DOK6: variants seen among roughly 807,000 people sequenced by gnomAD.
DOK6 encodes downstream of tyrosine kinase 6.
Under a neutral mutation model 44.0 loss-of-function variants are expected in DOK6, and 22 were observed. The observed-to-expected ratio is 0.50, with a 90% CI of 0.36 to 0.71. DOK6 has a LOEUF of 0.71. Among genes scored for constraint, DOK6 ranks in the 30% least tolerant of loss-of-function variants. The pLI, the probability that DOK6 is intolerant of heterozygous loss-of-function variation, is 0.00. For synonymous variants in DOK6, 166 were observed against 145.5 expected, an observed-to-expected ratio of 1.14 and a Z score of -1.01; for missense variants, 340 against 416.4, an observed-to-expected ratio of 0.82 and a Z score of 1.60.
chr18:69,719,213 G>A (rs1986951086), intron 5 of DOK6, among the ~76,000 whole-genome samples: 1 of 152,132 alleles, frequency 6.6e-6, no homozygotes, highest in Admixed American at 6.5e-5. Flanking sequence ...AAGAAAATTT[G>A]GAGGGCAGGG....
At chr18:69,705,919 A>T (rs202086219) in intron 5 of DOK6, among the ~76,000 whole-genome samples, 5 of 15,956 alleles carry the variant, frequency 3.1e-4, no homozygotes, top group South Asian at 4.7e-3. Context: ...AAATGTGATT[A>T]AAAAAAAAAA....
chr18:69,474,254 C>T (rs990652494), intron 1 of DOK6, among the ~76,000 whole-genome samples: 2 of 152,076 alleles, frequency 1.3e-5, no homozygotes, highest in Non-Finnish European at 2.9e-5. Context: ...CTCCCTTCTT[C>T]TCCATCCCCC....
chr18:69,401,277 G>C lies in DOK6; in HGVS notation c.33G>C (p.Gln11His). Residue 11 changes from glutamine (Q) to histidine (H), a missense_variant, in exon 1 of 8, where the codon CAG becomes CAC. Gln to His is a conservative substitution (Grantham distance 24, BLOSUM62 0). This residue lies in a region of DOK6 where 206 missense variants were observed against 258.6 expected (regional missense o/e 0.80). Transcript: ENST00000382713. MASNFNDIVK[Q>H]GYVKIRSRKL... Reference sequence around the variant, plus strand: ...CCAACTTTAACGACATAGTCAAGCAGGGCTACGTGAAAATCCGCAGCAGGA... The same window carrying C: ...CCAACTTTAACGACATAGTCAAGCACGGCTACGTGAAAATCCGCAGCAGGA... The C allele has an allele frequency of 6.3e-7, 1 of 1,585,770 alleles. No homozygotes were observed. The highest frequency in any genetic ancestry group is 2.4e-5 in the East Asian group (1 of 41,514).
chr18:69,698,820 T>C (rs924303432), intron 5 of DOK6, among the ~76,000 whole-genome samples: 3 of 152,194 alleles, frequency 2.0e-5, no homozygotes, highest in Non-Finnish European at 4.4e-5. Flanking sequence ...TTCAGTTTCT[T>C]ACACTACCAT....
chr18:69,799,584 C>T (rs1306362716), intron 7 of DOK6, among the ~76,000 whole-genome samples: 2 of 152,034 alleles, frequency 1.3e-5, no homozygotes, highest in African/African-American at 4.8e-5. Flanking sequence ...CATTCAAGAT[C>T]ACAAAATGCC....
At chr18:69,631,778 A>T (rs1167346128) in intron 3 of DOK6, among the ~76,000 whole-genome samples, 1 of 152,240 alleles carries the variant, frequency 6.6e-6, no homozygotes, top group Non-Finnish European at 1.5e-5. Flanking sequence ...ACAAATGGAC[A>T]TGTGTACATC....
chr18:69,801,128 T>C (rs1259147424), intron 7 of DOK6, among the ~76,000 whole-genome samples: 3 of 106,136 alleles, frequency 2.8e-5, no homozygotes, highest in Non-Finnish European at 6.6e-5. Flanking sequence ...TGTTTTGTTT[T>C]GTTTTGTTTT....
At chr18:69,417,544 T>C (rs1448906528) in intron 1 of DOK6, among the ~76,000 whole-genome samples, 5 of 152,160 alleles carry the variant, frequency 3.3e-5, no homozygotes, top group Non-Finnish European at 4.4e-5. Context: ...TGTATCTTTT[T>C]GATATACTGA....
intron 3 of DOK6, among the ~76,000 whole-genome samples, chr18:69,608,563 T>G (rs900344640): frequency 1.4e-4 from 22 of 152,302 alleles, no homozygotes; most frequent in African/African-American, 5.3e-4. Flanking sequence ...TTGAGAGGGA[T>G]TGCACTGAAT....
intron 4 of DOK6, among the ~76,000 whole-genome samples, chr18:69,678,084 A>G (rs1408164554): frequency 6.6e-6 from 1 of 152,082 alleles, no homozygotes; most frequent in African/African-American, 2.4e-5. Context: ...CCTCATCTCT[A>G]CTAAAAATAC....
At chr18:69,630,144 A>G (rs1269933888) in intron 3 of DOK6, among the ~76,000 whole-genome samples, 1 of 152,132 alleles carries the variant, frequency 6.6e-6, no homozygotes, top group East Asian at 1.9e-4. Flanking sequence ...TTAATTCATA[A>G]TGAAAACCTA....
At chr18:69,679,648 A>G (rs1417304390) in intron 4 of DOK6, among the ~76,000 whole-genome samples, 9 of 152,210 alleles carry the variant, frequency 5.9e-5, no homozygotes, top group Non-Finnish European at 1.2e-4. Flanking sequence ...AGTACTACAT[A>G]AAGCAAATAT....
chr18:69,765,705 A>C (rs1979693701), intron 7 of DOK6, among the ~76,000 whole-genome samples: 1 of 152,166 alleles, frequency 6.6e-6, no homozygotes, highest in Non-Finnish European at 1.5e-5. Flanking sequence ...CTAGAGGTTA[A>C]AATCTTGAGT....
At chr18:69,643,216 A>G (rs1188875107) in intron 3 of DOK6, among the ~76,000 whole-genome samples, 1 of 152,226 alleles carries the variant, frequency 6.6e-6, no homozygotes, top group African/African-American at 2.4e-5. Flanking sequence ...CTATAGTATA[A>G]TATCCTCCTA....
intron 1 of DOK6, among the ~76,000 whole-genome samples, chr18:69,560,905 T>G (rs1982814205): frequency 6.6e-6 from 1 of 151,504 alleles, no homozygotes; most frequent in Admixed American, 6.6e-5. Flanking sequence ...TAGTCTGTAC[T>G]TGGGAGATCA....
intron 1 of DOK6, among the ~76,000 whole-genome samples, chr18:69,560,066 A>C (rs1045453217): frequency 6.6e-6 from 1 of 152,052 alleles, no homozygotes; most frequent in East Asian, 1.9e-4. Context: ...GAAACCCAAG[A>C]GTTTCAGGTA....
chr18:69,774,517 A>T (rs1319647438), intron 7 of DOK6, among the ~76,000 whole-genome samples: 1 of 151,990 alleles, frequency 6.6e-6, no homozygotes, highest in African/African-American at 2.4e-5. Context: ...AAATTTTTTT[A>T]AAACATGTGT....
At position 69,632,196 on chromosome 18, in the gene DOK6, T is replaced by C. The variant is rs185058593; in HGVS notation, c.289+32698T>C. On this transcript the variant is annotated intron_variant, in intron 3 of 7. Transcript: ENST00000382713. The stretch of plus-strand genomic sequence containing the variant: ...ACAAACCAGATTTTCTTCATTTGTC[T>C]TAGGAGACATATTGGCTCAGCAAAT... Among the ~76,000 whole-genome samples, 388 of 152,290 alleles carry C rather than the reference T, an allele frequency of 2.5e-3. 6 individuals carry two copies. Among genetic ancestry groups the C allele is most frequent in the Non-Finnish European group, 1.1e-3 (73 of 68,016 alleles).
intron 5 of DOK6, among the ~76,000 whole-genome samples, chr18:69,718,154 A>T (rs535429249): frequency 6.6e-6 from 1 of 152,216 alleles, no homozygotes; most frequent in Non-Finnish European, 1.5e-5. Context: ...GAGACAATTA[A>T]GGGGTGGATT....
Sources: gnomAD v4.1 joint callset for allele counts (sites outside exome capture counted in the v4.1 genomes callset) on GRCh38, gnomAD v4.1.1 for gene constraint, gnomAD v4.1.1 regional missense constraint, MANE v1.5 for transcripts, NCBI Gene and HGNC (gene_info 2026-07-23, HGNC 2026-07-21) for gene names.